The following PDSS2 variants were observed in gnomAD, a reference collection of about 807,000 sequenced individuals.
PDSS2 encodes the protein all trans-polyprenyl-diphosphate synthase PDSS2.
PDSS2 carries 31 observed loss-of-function variants against 44.5 expected under a neutral mutation model. The observed-to-expected ratio is 0.70, with a 90% confidence interval of 0.52 to 0.94. PDSS2 has a LOEUF of 0.94. Among genes scored for constraint, PDSS2 ranks in the 40% least tolerant of loss-of-function variants. The probability of loss-of-function intolerance (pLI) is 0.00; values close to 1 mark genes in which losing one functional copy is unlikely to be tolerated. For missense variants in PDSS2, 452 were observed against 482.2 expected (o/e 0.94, Z 0.59); for synonymous variants, 157 against 180.3 (o/e 0.87, Z 1.03).
intron 1 of PDSS2, among the ~76,000 whole-genome samples, chr6:107,436,301 C>T (rs182917154): frequency 9.9e-4 from 151 of 152,182 alleles, no homozygotes; most frequent in African/African-American, 3.5e-3. Context: ...GTTGGCAATA[C>T]AGTAGTAATG....
intron 4 of PDSS2, among the ~76,000 whole-genome samples, chr6:107,243,709 G>C (rs997768862): frequency 1.3e-5 from 2 of 152,236 alleles, no homozygotes; most frequent in Admixed American, 6.5e-5. Flanking sequence ...AGCGGGTACG[G>C]GGAAGTGCTG....
chr6:107,257,918 A>T (rs1191555660), intron 3 of PDSS2, among the ~76,000 whole-genome samples: 3 of 152,182 alleles, frequency 2.0e-5, no homozygotes. Flanking sequence ...CTCCTGTCCC[A>T]GTTGGGTTTT....
chr6:107,408,497 C>T (rs529525202), intron 1 of PDSS2, among the ~76,000 whole-genome samples: 43 of 152,324 alleles, frequency 2.8e-4, no homozygotes, highest in South Asian at 6.2e-4. Flanking sequence ...CAGCAGATTA[C>T]TGCATTTAGC....
Position 107,459,539 on chromosome 6 carries a change from T to C in PDSS2, c.-254A>G. On this transcript the variant is annotated 5_prime_UTR_variant, in exon 1 of 8. Coordinates refer to ENST00000369037, the MANE Select transcript of PDSS2 (RefSeq NM_020381.4). This position sits in a 1 kb window ranked among gnomAD's most constrained non-coding sequence, Gnocchi z 4.3. ...GGGTAGAAACCACAGCCACTGCCTA[T>C]GTGGAGGACGCCATATTGGAGGCAT... 3.7e-6 allele frequency: 2 copies of C among 537,706 alleles called. No homozygotes were observed. The highest frequency in any genetic ancestry group is 3.3e-5 in the East Asian group (1 of 30,528). The allele number at this position is 537,706 out of a possible 1,614,324, so 33.3% of individuals were successfully genotyped here. A position where few individuals can be genotyped will look rare whatever the true frequency, so the allele number is the denominator to read the frequency against.
At chr6:107,288,050 A>G (rs572359622) in intron 2 of PDSS2, among the ~76,000 whole-genome samples, 2 of 152,044 alleles carry the variant, frequency 1.3e-5, no homozygotes, top group South Asian at 4.2e-4. Flanking sequence ...GGGTTTTCCT[A>G]TGTCAGCAGG....
At chr6:107,437,551 A>T (rs1484584344) in intron 1 of PDSS2, among the ~76,000 whole-genome samples, 1 of 136,980 alleles carries the variant, frequency 7.3e-6, no homozygotes, top group Non-Finnish European at 1.6e-5. Flanking sequence ...AAAAAAAAAA[A>T]TTTACAGTCG....
chr6:107,339,563 C>T (rs868304370), intron 1 of PDSS2, among the ~76,000 whole-genome samples: 86 of 152,108 alleles, frequency 5.7e-4, no homozygotes, highest in African/African-American at 1.9e-3. Flanking sequence ...ATCATGAGGA[C>T]GTGTAAAACT....
chr6:107,384,484 T>C (rs1046532258), intron 1 of PDSS2, among the ~76,000 whole-genome samples: 4 of 151,782 alleles, frequency 2.6e-5, no homozygotes, highest in African/African-American at 9.7e-5. Context: ...CTATTAAAAA[T>C]ACAAAAATTA....
chr6:107,458,573 CCT>C (rs528322261), intron 1 of PDSS2, among the ~76,000 whole-genome samples: 5 of 151,348 alleles, frequency 3.3e-5, no homozygotes, highest in African/African-American at 7.3e-5. Flanking sequence ...CTACCTTCAG[CCT>C]CTCTCTCTCT....
intron 1 of PDSS2, among the ~76,000 whole-genome samples, chr6:107,405,756 A>C (rs940918112): frequency 1.3e-5 from 2 of 150,614 alleles, no homozygotes; most frequent in African/African-American, 4.9e-5. Context: ...CTGAGGCAGG[A>C]GAATGGCATG....
chr6:107,192,581 A>G (rs1298371540), intron 7 of PDSS2: 2 of 271,878 alleles, frequency 7.4e-6, no homozygotes, highest in African/African-American at 4.5e-5. Context: ...TATCCCTGTC[A>G]ACCTAAATTC....
chr6:107,409,190 A>G (rs1213031900), intron 1 of PDSS2, among the ~76,000 whole-genome samples: 1 of 152,198 alleles, frequency 6.6e-6, no homozygotes, highest in Non-Finnish European at 1.5e-5. Context: ...AACTCTCTGA[A>G]GCCACCCTAA....
rs192696360 is a variant in PDSS2, at chr6:107,454,841, G to A, written c.296+4149C>T. ...TACAGCTGCTTAATCCTTGATTTTA[G>A]TTATAATTTACAATAATCATTACCT... On this transcript the variant is annotated intron_variant, in intron 1 of 7. Coordinates refer to ENST00000369037, the MANE Select transcript of PDSS2 (RefSeq NM_020381.4). Among the ~76,000 whole-genome samples the A allele has an allele frequency of 5.9e-5, 9 of 152,184 alleles. No individual in the cohort carries two copies. The East Asian group carries it at 1.3e-3, about 23-fold the overall frequency.
In PDSS2 at chr6:107,224,806, A is replaced by G. The variant is rs572177212; in HGVS notation, c.703-12524T>C. Among the ~76,000 whole-genome samples the G allele has an allele frequency of 5.3e-5, 8 of 151,216 alleles. No homozygotes were observed. In the East Asian group the frequency reaches 9.7e-4, roughly 18 times the overall value. Reference sequence around the variant, plus strand: ...CCTTAGGATGGTGTATTAGTTATCTATTGCTGCAAAACAAACTAGCATCTT... The same window carrying G: ...CCTTAGGATGGTGTATTAGTTATCTGTTGCTGCAAAACAAACTAGCATCTT... On this transcript the variant is annotated intron_variant, in intron 4 of 7. Transcript: ENST00000369037.
At chr6:107,387,625 T>C (rs1779650449) in intron 1 of PDSS2, among the ~76,000 whole-genome samples, 2 of 152,284 alleles carry the variant, frequency 1.3e-5, no homozygotes, top group South Asian at 4.2e-4. Context: ...AACATGAACA[T>C]TAAAATAATA....
At chr6:107,244,728 T>C (rs1774552814) in intron 4 of PDSS2, among the ~76,000 whole-genome samples, 2 of 152,218 alleles carry the variant, frequency 1.3e-5, no homozygotes, top group Admixed American at 6.5e-5. Context: ...TTATCTTCCT[T>C]TTTTCAAATG....
At chr6:107,231,500 C>T (rs1385682119) in intron 4 of PDSS2, among the ~76,000 whole-genome samples, 1 of 152,198 alleles carries the variant, frequency 6.6e-6, no homozygotes, top group Non-Finnish European at 1.5e-5. Context: ...TTTCAACGCT[C>T]CTCCAGCTGG....
At chr6:107,300,238 C>T (rs1346091456) in intron 2 of PDSS2, among the ~76,000 whole-genome samples, 1 of 152,198 alleles carries the variant, frequency 6.6e-6, no homozygotes, top group Non-Finnish European at 1.5e-5. Flanking sequence ...CTAAGATCTA[C>T]TGTGGACCCC....
intron 6 of PDSS2, chr6:107,197,742 C>T (rs1048875321): frequency 4.0e-5 from 18 of 454,930 alleles, no homozygotes; most frequent in African/African-American, 3.4e-4. Flanking sequence ...CTGAGCACAT[C>T]TGTCATTTCC....
Sources: allele counts gnomAD v4.1 joint callset (sites outside exome capture counted in the v4.1 genomes callset), GRCh38; gene constraint gnomAD v4.1.1; non-coding constraint Gnocchi (gnomAD v3.1); transcripts MANE v1.5; gene names NCBI Gene and HGNC (gene_info 2026-07-23, HGNC 2026-07-21).